Variants in ZFAT observed in about 807,000 individuals in gnomAD.
The protein encoded by ZFAT is zinc finger and AT-hook domain containing, also known as zinc finger protein ZFAT.
Under a neutral mutation model 117.7 loss-of-function variants are expected in ZFAT, and 64 were observed. The observed-to-expected ratio is 0.54, with a 90% CI of 0.44 to 0.67. ZFAT has a LOEUF of 0.67. ZFAT is among the 30% of genes least tolerant of loss of function. The pLI, the probability that ZFAT is intolerant of heterozygous loss-of-function variation, is 0.00. For missense variants in ZFAT, 1,433 were observed against 1,584.5 expected (o/e 0.90, Z 1.62); for synonymous variants, 679 against 615.0 (o/e 1.10, Z -1.54).
chr8:134,509,800 G>A, intron 14 of ZFAT, 51 bp from the exon 15 acceptor site: 1 of 1,536,972 alleles, frequency 6.5e-7, no homozygotes, highest in Non-Finnish European at 8.7e-7. Flanking sequence ...GGTGCTGAAG[G>A]ACATGGAATG....
Position 134,626,804 on chromosome 8 carries a change from T to C in ZFAT, c.448+10657A>G, listed in dbSNP as rs184442544. ...CCTTCTCTAAACAACTCTGATAATG[T>C]AGCTTACTGTCATTTATCTGAGCTT... On this transcript the variant is annotated intron_variant, in intron 3 of 15. Coordinates refer to ENST00000377838, the MANE Select transcript of ZFAT (RefSeq NM_020863.4). Among the ~76,000 whole-genome samples the C allele has an allele frequency of 3.8e-3, 586 of 152,364 alleles. 2 individuals are homozygous for C. The highest frequency in any genetic ancestry group is 5.8e-3 in the Non-Finnish European group (395 of 68,036).
At chr8:134,648,048 T>C (rs780648247) in intron 2 of ZFAT, among the ~76,000 whole-genome samples, 1 of 152,008 alleles carries the variant, frequency 6.6e-6, no homozygotes, top group East Asian at 1.9e-4. Flanking sequence ...ACCACGTACA[T>C]ACAAAAATAA....
At chr8:134,612,305 G>A (rs569064244) in intron 3 of ZFAT, among the ~76,000 whole-genome samples, 10 of 152,316 alleles carry the variant, frequency 6.6e-5, no homozygotes, top group African/African-American at 2.2e-4. Flanking sequence ...AGGTGAGATC[G>A]GAACCATGCA....
chr8:134,727,828 AAAG>A, the ZFAT span, among the ~76,000 whole-genome samples: 1 of 152,280 alleles, frequency 6.6e-6, no homozygotes, highest in South Asian at 2.1e-4. Flanking sequence ...TGTGCCAATA[AAAG>A]TTTATTTACA....
chr8:134,521,722 G>C (rs1820673167), intron 12 of ZFAT, among the ~76,000 whole-genome samples: 1 of 152,132 alleles, frequency 6.6e-6, no homozygotes, highest in African/African-American at 2.4e-5. Flanking sequence ...CTGTACAAAA[G>C]TCTCTTTGAA....
intron 2 of ZFAT, among the ~76,000 whole-genome samples, chr8:134,647,241 A>C (rs1830951420): frequency 6.6e-6 from 1 of 152,216 alleles, no homozygotes; most frequent in South Asian, 2.1e-4. Flanking sequence ...AATGTGATAT[A>C]TAACATTTAT....
At chr8:134,605,768 T>C (rs764355345) in intron 5 of ZFAT, among the ~76,000 whole-genome samples, 1 of 152,228 alleles carries the variant, frequency 6.6e-6, no homozygotes, top group Non-Finnish European at 1.5e-5. Flanking sequence ...CTTTCTTCAC[T>C]TATTCATTCC....
At chr8:134,780,377 G>A in the ZFAT span, among the ~76,000 whole-genome samples, 1 of 152,188 alleles carries the variant, frequency 6.6e-6, no homozygotes, top group Non-Finnish European at 1.5e-5. Context: ...TGCTAGCAAT[G>A]CCTATTTTCC....
At chr8:134,774,576 T>C in the ZFAT span, among the ~76,000 whole-genome samples, 1 of 152,220 alleles carries the variant, frequency 6.6e-6, no homozygotes, top group African/African-American at 2.4e-5. Context: ...AATTAAGATA[T>C]GTACACTTTT....
At chr8:134,511,321 G>A (rs1819825883) in intron 14 of ZFAT, among the ~76,000 whole-genome samples, 1 of 152,172 alleles carries the variant, frequency 6.6e-6, no homozygotes, top group Non-Finnish European at 1.5e-5. Context: ...AGCAATCACT[G>A]ATGTCACTGG....
intron 15 of ZFAT, among the ~76,000 whole-genome samples, chr8:134,489,385 G>A (rs767951813): frequency 1.3e-5 from 2 of 152,000 alleles, no homozygotes; most frequent in Non-Finnish European, 2.9e-5. Context: ...TGCTCCCCAG[G>A]CCTGCTCTCT....
At chr8:134,775,459 A>G in the ZFAT span, among the ~76,000 whole-genome samples, 1 of 152,094 alleles carries the variant, frequency 6.6e-6, no homozygotes, top group African/African-American at 2.4e-5. Context: ...TGGTTCCTTC[A>G]TGTTTCTACC....
intron 5 of ZFAT, among the ~76,000 whole-genome samples, chr8:134,603,909 C>T (rs1827696780): frequency 6.6e-6 from 1 of 152,242 alleles, no homozygotes; most frequent in Non-Finnish European, 1.5e-5. Context: ...CATCTTCCTC[C>T]TCCTCTATCA....
At chr8:134,665,319 G>A (rs185227460) in intron 1 of ZFAT, among the ~76,000 whole-genome samples, 287 of 152,350 alleles carry the variant, frequency 1.9e-3, no homozygotes, top group African/African-American at 6.7e-3. Flanking sequence ...CCAACTTTCA[G>A]GCCCTCAAGG....
At chr8:134,567,160 C>G (rs773055967) in intron 10 of ZFAT, among the ~76,000 whole-genome samples, 3 of 152,196 alleles carry the variant, frequency 2.0e-5, no homozygotes, top group Admixed American at 6.5e-5. Context: ...CCCAAATGTC[C>G]TAAGCTGGAC....
the ZFAT span, among the ~76,000 whole-genome samples, chr8:134,752,544 T>G: frequency 0.35 from 53,868 of 152,068 alleles, 9,831 homozygotes; most frequent in Admixed American, 0.44. Context: ...TAATAACATC[T>G]CAAATGTTAA....
rs755714816 is a variant in ZFAT, at chr8:134,601,640, G to A, written c.2079C>T (p.Asp693=). 4 of 1,614,208 alleles carry A rather than the reference G, an allele frequency of 2.5e-6. No individual in the cohort carries two copies. In the Admixed American group the frequency reaches 5.0e-5, roughly 20 times the overall value. ...AAGAGTCAGGCTGATGTGTGATGGTGTCCCCACCACCAGCTACTGGAGGGA... is the reference window on the plus strand; with the variant it reads ...AAGAGTCAGGCTGATGTGTGATGGTATCCCCACCACCAGCTACTGGAGGGA... ...DLLPPVAGGG[D]TITHQPDSCK... The change falls in exon 6 of 16, where the codon GAC becomes GAT. Residue 693 remains aspartate, a synonymous_variant. Coordinates refer to ENST00000377838, the MANE Select transcript of ZFAT (RefSeq NM_020863.4).
the ZFAT span, chr8:134,766,282 C>T: frequency 4.6e-5 from 7 of 152,262 alleles, no homozygotes; most frequent in East Asian, 5.8e-4. Flanking sequence ...ACCTCCTGGA[C>T]GACTAAATGG....
At chr8:134,626,883 A>G (rs1483069774) in intron 3 of ZFAT, among the ~76,000 whole-genome samples, 1 of 152,244 alleles carries the variant, frequency 6.6e-6, no homozygotes, top group Non-Finnish European at 1.5e-5. Context: ...AAGGTCATAC[A>G]CAGGTACTTT....
Sources: gnomAD v4.1 joint callset for allele counts (sites outside exome capture counted in the v4.1 genomes callset) on GRCh38, gnomAD v4.1.1 for gene constraint, MANE v1.5 for transcripts, NCBI Gene and HGNC (gene_info 2026-07-23, HGNC 2026-07-21) for gene names.